PHF13: variants seen among roughly 807,000 people sequenced by gnomAD.
PHF13 encodes PHD zinc finger protein PHF5.
A neutral mutation model predicts 25.8 loss-of-function variants in PHF13; 1 was observed. The observed-to-expected ratio is 0.04, with a 90% confidence interval of 0.01 to 0.18. PHF13 has a LOEUF of 0.18. Among genes scored for constraint, PHF13 ranks in the 10% least tolerant of loss-of-function variants. The pLI is 1.00. For synonymous variants in PHF13, 195 were observed against 162.4 expected (o/e 1.20, Z -1.53); for missense variants, 306 against 403.2 (o/e 0.76, Z 2.06).
chr1:6,614,876 C>T (rs1293152679), intron 1 of PHF13, among the ~76,000 whole-genome samples: 1 of 150,990 alleles, frequency 6.6e-6, no homozygotes, highest in African/African-American at 2.4e-5. Flanking sequence ...TCGTTGGGGT[C>T]GGGGGTGCGG....
At chr1:6,618,867 G>A (rs1001152848) in intron 2 of PHF13, among the ~76,000 whole-genome samples, 3 of 151,900 alleles carry the variant, frequency 2.0e-5, no homozygotes, top group Admixed American at 1.3e-4. Flanking sequence ...GGCTGGTGTC[G>A]AACTCCTGAG....
intron 2 of PHF13, among the ~76,000 whole-genome samples, chr1:6,617,157 C>T (rs1196601395): frequency 6.6e-6 from 1 of 152,082 alleles, no homozygotes; most frequent in African/African-American, 2.4e-5. Context: ...GGCTGGAGTG[C>T]AGTGTCGTAA....
Position 6,620,068 on chromosome 1 carries a change from G to T in PHF13, c.407G>T (p.Arg136Met). ...DSDAPGKEGY[R>M]GGLLKLEAAD... is the part of the protein sequence containing the mutation. ...GATGCGCCTGGGAAAGAGGGGTACA[G>T]GGGGGGCTTGCTGAAGCTGGAAGCC... The change falls in exon 3 of 4, where the codon AGG (arginine) becomes ATG (methionine). Residue 136 changes from arginine (R) to methionine (M), a missense_variant. Coordinates refer to ENST00000377648, the MANE Select transcript of PHF13 (RefSeq NM_153812.3). The T allele has an allele frequency of 6.2e-7, 1 of 1,613,442 alleles. No homozygotes were observed. Among genetic ancestry groups the T allele is most frequent in the East Asian group, 2.2e-5 (1 of 44,850 alleles).
At position 6,622,604 on chromosome 1, in the gene PHF13, G is replaced by T. The variant is rs1180666236; in HGVS notation, c.*967G>T. 1.3e-5 allele frequency: 2 copies of T among 152,272 alleles called. No homozygotes were observed. The allele number at this position is 152,272 out of a possible 1,614,324, so 9.4% of individuals were successfully genotyped here. A position where few individuals can be genotyped will look rare whatever the true frequency, so the allele number is the denominator to read the frequency against. ...TAGGGTAAAGGAGAGCTGGGAGGGAGCCCTCTCCGTTGGGTGACTCTTGTG... is the reference window on the plus strand; with the variant it reads ...TAGGGTAAAGGAGAGCTGGGAGGGATCCCTCTCCGTTGGGTGACTCTTGTG... On this transcript the variant is annotated 3_prime_UTR_variant, in exon 4 of 4. Transcript: ENST00000377648.
intron 1 of PHF13, chr1:6,614,466 G>C (rs1315088440): frequency 4.4e-6 from 1 of 227,034 alleles, no homozygotes; most frequent in Admixed American, 6.1e-5. Flanking sequence ...CCCGCCCCCG[G>C]GGACGCGGTC....
At chr1:6,617,647 T>G (rs1641280689) in intron 2 of PHF13, among the ~76,000 whole-genome samples, 1 of 151,900 alleles carries the variant, frequency 6.6e-6, no homozygotes, top group African/African-American at 2.4e-5. Flanking sequence ...GAGGCTGGTC[T>G]CGAACTCCTG....
At position 6,614,255 on chromosome 1, in the gene PHF13, C is replaced by T. The variant is rs1309311444; in HGVS notation, c.39+150C>T. On this transcript the variant is annotated intron_variant, in intron 1 of 3. Transcript: ENST00000377648. ...GCCCCCCCGGGAGCCCAACCCCCGC[C>T]CCCTGCTCGGGCCCGCGCTCGGTCC... 5 of 626,252 alleles carry T rather than the reference C, an allele frequency of 8.0e-6. No homozygotes were observed. The African/African-American group carries it at 9.7e-5, about 12-fold the overall frequency. 38.8% of individuals were successfully genotyped at this position (626,252 alleles called of 1,614,324 possible).
chr1:6,614,333 C>T, intron 1 of PHF13: 1 of 525,594 alleles, frequency 1.9e-6, no homozygotes, highest in East Asian at 3.6e-5. Flanking sequence ...GCGTCCTCCC[C>T]GCGCCCTTTC....
At position 6,622,021 on chromosome 1, in the gene PHF13, C is replaced by G. The variant is rs79100873; in HGVS notation, c.*384C>G. 3.3e-6 allele frequency: 1 copy of G among 302,994 alleles called. No homozygotes were observed. The highest frequency in any genetic ancestry group is 4.4e-5 in the Admixed American group (1 of 22,964). The allele number at this position is 302,994 out of a possible 1,614,324, so 18.8% of individuals were successfully genotyped here. A position where few individuals can be genotyped will look rare whatever the true frequency, so the allele number is the denominator to read the frequency against. ...TTCCACTGTGTTGGGGAGAGGTGTT[C>G]GGTTTCCCCAGCCTGTTAATGAACA... On this transcript the variant is annotated 3_prime_UTR_variant, in exon 4 of 4. Coordinates refer to ENST00000377648, the MANE Select transcript of PHF13 (RefSeq NM_153812.3).
In PHF13 at chr1:6,620,119, C is replaced by A; in HGVS notation, c.458C>A (p.Thr153Lys). 3 of 1,613,622 alleles carry A rather than the reference C, an allele frequency of 1.9e-6. No homozygotes were observed. The South Asian group carries it at 3.3e-5, about 18-fold the overall frequency. Residue 153 changes from threonine to lysine, a missense_variant, in exon 3 of 4, where the codon ACG becomes AAG. Coordinates refer to ENST00000377648, the MANE Select transcript of PHF13 (RefSeq NM_153812.3). The part of the protein sequence containing the change: ...EAADPYVETP[T>K]SPTLQDIPQA... ...GCTGACCCCTACGTGGAGACCCCCA[C>A]GAGTCCCACCTTGCAGGATATCCCC...
At position 6,614,474 on chromosome 1, in the gene PHF13, G is replaced by A. The variant is rs919327994; in HGVS notation, c.39+369G>A. ...CTCTTTCCCCGCCCCCGGGGACGCG[G>A]TCCGAGCCGCCGCCCGCCCCTGGCT... is the stretch of plus-strand genomic sequence containing the variant. On this transcript the variant is annotated intron_variant, in intron 1 of 3. Transcript: ENST00000377648. The A allele has an allele frequency of 1.9e-4, 41 of 211,544 alleles. 1 individual carries two copies. Among genetic ancestry groups the A allele is most frequent in the African/African-American group, 7.4e-4 (31 of 41,742 alleles). 13.1% of individuals were successfully genotyped at this position (211,544 alleles called of 1,614,324 possible).
chr1:6,620,218 C>T lies in PHF13; in HGVS notation c.557C>T (p.Pro186Leu). 1 of 1,614,016 alleles carries T rather than the reference C, an allele frequency of 6.2e-7. No homozygotes were observed. The change falls in exon 3 of 4, where the codon CCT (proline) becomes CTT (leucine). Residue 186 changes from proline to leucine, a missense_variant. Transcript: ENST00000377648. ...PSSGSCATVSPDQVKEIKTEG... is the reference protein window; with the variant it reads ...PSSGSCATVSLDQVKEIKTEG... ...AGTGGATCTTGTGCCACTGTGTCAC[C>T]TGATCAGGTCAAAGAAATAAAAACT...
intron 1 of PHF13, chr1:6,614,728 T>C (rs1344083343): frequency 7.7e-6 from 1 of 130,230 alleles, no homozygotes; most frequent in Non-Finnish European, 1.7e-5. Flanking sequence ...CCCGGCGCGC[T>C]GGCCTCTCTC....
In PHF13 at chr1:6,616,781, C is replaced by A; in HGVS notation, c.64C>A (p.Arg22Ser). The A allele has an allele frequency of 1.2e-6, 2 of 1,614,092 alleles. No homozygotes were observed. The highest frequency in any genetic ancestry group is 8.5e-7 in the Non-Finnish European group (1 of 1,179,952). ...GGAATACTCCCCCAGTTGCAAGAGG[C>A]GCAGGACCGTGGAAGACTTCAACAA... ...PEEYSPSCKRRRTVEDFNKFC... is the reference protein window; with the variant it reads ...PEEYSPSCKRSRTVEDFNKFC... The change falls in exon 2 of 4, where the codon CGC (arginine) becomes AGC (serine). Residue 22 changes from arginine to serine, a missense_variant. Arg to Ser is a moderately radical substitution (Grantham distance 110). Transcript: ENST00000377648.
intron 1 of PHF13, 100 bp downstream of exon 1, chr1:6,614,205 C>G: frequency 9.6e-7 from 1 of 1,046,518 alleles, no homozygotes; most frequent in South Asian, 1.4e-5. Flanking sequence ...CGCCGCCCTC[C>G]CCTTCCCCCG....
intron 1 of PHF13, among the ~76,000 whole-genome samples, chr1:6,615,376 C>T (rs1641244743): frequency 6.6e-6 from 1 of 152,230 alleles, no homozygotes; most frequent in African/African-American, 2.4e-5. Flanking sequence ...TCAACGCGGG[C>T]CTTCGCCTCC....
chr1:6,621,798 A>G lies in PHF13; in HGVS notation c.*161A>G. On this transcript the variant is annotated 3_prime_UTR_variant, in exon 4 of 4. Transcript: ENST00000377648. The surrounding 1 kb of genome is among the most constrained non-coding windows in gnomAD (Gnocchi z 4.8). ...ACAGGCTGTCCAAGGTAGAAACTGT[A>G]CATAGCCGGTGACCGAATGCGACCT... is the stretch of plus-strand genomic sequence containing the variant. 4 of 721,174 alleles carry G rather than the reference A, an allele frequency of 5.5e-6. No individual in the cohort carries two copies. In the South Asian group the frequency reaches 7.1e-5, roughly 13 times the overall value. The allele number at this position is 721,174 out of a possible 1,614,324, so 44.7% of individuals were successfully genotyped here. A position where few individuals can be genotyped will look rare whatever the true frequency, so the allele number is the denominator to read the frequency against.
In PHF13 at chr1:6,619,887, G is replaced by T. The variant is rs1354276495; in HGVS notation, c.226G>T (p.Asp76Tyr). 1 of 1,613,792 alleles carries T rather than the reference G, an allele frequency of 6.2e-7. No individual in the cohort carries two copies. The highest frequency in any genetic ancestry group is 8.5e-7 in the Non-Finnish European group (1 of 1,180,024). The change falls in exon 3 of 4, where the codon GAC (aspartate) becomes TAC (tyrosine). Residue 76 changes from aspartate to tyrosine, a missense_variant. Coordinates refer to ENST00000377648, the MANE Select transcript of PHF13 (RefSeq NM_153812.3). The stretch of plus-strand genomic sequence containing the variant: ...CGACGGCTGGGACGCGGGTTTCTCA[G>T]ACATCGCGTCCTCAGTGCCCTTGCC... ...DSDGWDAGFSDIASSVPLPVS... is the reference protein window; with the variant it reads ...DSDGWDAGFSYIASSVPLPVS...
chr1:6,620,694 T>C (rs971035668), intron 3 of PHF13, among the ~76,000 whole-genome samples: 1 of 152,036 alleles, frequency 6.6e-6, no homozygotes, highest in Non-Finnish European at 1.5e-5. Context: ...GAGACCAGCC[T>C]GGGCAGCATG....
Sources: allele counts gnomAD v4.1 joint callset (sites outside exome capture counted in the v4.1 genomes callset), GRCh38; gene constraint gnomAD v4.1.1; non-coding constraint Gnocchi (gnomAD v3.1); transcripts MANE v1.5; gene names NCBI Gene and HGNC (gene_info 2026-07-23, HGNC 2026-07-21).